The following IL17D variants were observed in gnomAD, a reference collection of about 807,000 sequenced individuals.
The protein encoded by IL17D is interleukin-17D.
In IL17D, 10 loss-of-function variants were observed where a neutral mutation model predicts 5.7. The ratio of observed to expected loss-of-function variants is 1.75; its 90% CI spans 1.08 to 2.97. The LOEUF is 2.97. Among genes scored for constraint, IL17D ranks in the 30% most tolerant of loss-of-function variants. The probability of loss-of-function intolerance (pLI) is 0.00; values close to 1 mark genes in which losing one functional copy is unlikely to be tolerated. For missense variants in IL17D, 354 were observed against 292.7 expected (o/e 1.21, Z -1.53); for synonymous variants, 172 against 141.7 (o/e 1.21, Z -1.52).
intron 1 of IL17D, among the ~76,000 whole-genome samples, chr13:20,718,670 T>TCA (rs146420037): frequency 1.2e-5 from 1 of 80,200 alleles, no homozygotes; most frequent in Non-Finnish European, 2.4e-5. Flanking sequence ...ATGCCCACGC[T>TCA]CACACACACC....
chr13:20,722,078 C>A lies in IL17D; in HGVS notation c.*124C>A. On this transcript the variant is annotated 3_prime_UTR_variant, in exon 2 of 2. Coordinates refer to ENST00000682841, the MANE Select transcript of IL17D (RefSeq NM_001385224.1). ...ACCGAGCAAACCAAGTGCCGGAGCACCAGCGCCGCCTTTCCATGGAGACTC... is the reference window on the plus strand; with the variant it reads ...ACCGAGCAAACCAAGTGCCGGAGCAACAGCGCCGCCTTTCCATGGAGACTC... 1.4e-6 allele frequency: 1 copy of A among 737,806 alleles called. No homozygotes were observed. The highest frequency in any genetic ancestry group is 2.0e-5 in the South Asian group (1 of 50,326). 45.7% of individuals were successfully genotyped at this position (737,806 alleles called of 1,614,324 possible).
At chr13:20,718,608 G>C (rs1198968378) in intron 1 of IL17D, among the ~76,000 whole-genome samples, 9 of 81,764 alleles carry the variant, frequency 1.1e-4, no homozygotes, top group Admixed American at 7.4e-4. Context: ...CCCACACTCA[G>C]ACACACCTGC....
chr13:20,722,128 C>A lies in IL17D; in HGVS notation c.*174C>A, dbSNP rs9509353. 244,747 of 570,996 alleles carry A rather than the reference C, an allele frequency of 0.43. 55,690 individuals are homozygous for A. Among genetic ancestry groups the A allele is most frequent in the Non-Finnish European group, 0.49 (162,040 of 332,816 alleles). The allele number at this position is 570,996 out of a possible 1,614,324, so 35.4% of individuals were successfully genotyped here. A position where few individuals can be genotyped will look rare whatever the true frequency, so the allele number is the denominator to read the frequency against. ...CGTAAGCAGCTTCATCTGACACGGGCATCCCTGGCTTGCTTTTAGCTACAA... is the reference window on the plus strand; with the variant it reads ...CGTAAGCAGCTTCATCTGACACGGGAATCCCTGGCTTGCTTTTAGCTACAA... On this transcript the variant is annotated 3_prime_UTR_variant, in exon 2 of 2. Coordinates refer to ENST00000682841, the MANE Select transcript of IL17D (RefSeq NM_001385224.1).
chr13:20,710,288 GTTTA>G (rs2058624066), intron 1 of IL17D, among the ~76,000 whole-genome samples: 1 of 151,992 alleles, frequency 6.6e-6, no homozygotes, highest in Non-Finnish European at 1.5e-5. Context: ...GTTTATTGAA[GTTTA>G]AGATATACGT....
intron 1 of IL17D, among the ~76,000 whole-genome samples, chr13:20,710,338 G>A (rs1204131283): frequency 6.6e-6 from 1 of 151,482 alleles, no homozygotes; most frequent in East Asian, 1.9e-4. Context: ...GACAGGCTGG[G>A]CGCAGTGGCT....
intron 1 of IL17D, among the ~76,000 whole-genome samples, chr13:20,720,054 C>G (rs1224029996): frequency 6.6e-6 from 1 of 152,274 alleles, no homozygotes; most frequent in Non-Finnish European, 1.5e-5. Context: ...AGTGTCATTT[C>G]TCTCTATTTC....
chr13:20,703,201 C>A (rs906751648), upstream of IL17D: 2 of 873,544 alleles, frequency 2.3e-6, no homozygotes, highest in Non-Finnish European at 2.7e-6. Context: ...GCCGCATGCT[C>A]GCGGCTGGAA....
intron 1 of IL17D, among the ~76,000 whole-genome samples, chr13:20,717,636 G>C (rs1012962175): frequency 2.0e-5 from 3 of 152,204 alleles, no homozygotes; most frequent in Admixed American, 1.3e-4. Flanking sequence ...CGCGCCCTGG[G>C]CAGCAGGGCA....
intron 1 of IL17D, among the ~76,000 whole-genome samples, chr13:20,710,076 C>G (rs528967691): frequency 6.6e-6 from 1 of 152,270 alleles, no homozygotes; most frequent in South Asian, 2.1e-4. Context: ...TCCGTCTAGC[C>G]CAAGTCCCAC....
intron 1 of IL17D, among the ~76,000 whole-genome samples, chr13:20,721,055 C>T (rs3847993): frequency 0.4 from 60,716 of 152,072 alleles, 13,151 homozygotes; most frequent in Non-Finnish European, 0.49. Flanking sequence ...CCGAACCTCA[C>T]AGGCCACTGA....
chr13:20,709,004 T>A (rs1594997005), intron 1 of IL17D, among the ~76,000 whole-genome samples: 1 of 144,682 alleles, frequency 6.9e-6, no homozygotes. Context: ...AAAGGACCAG[T>A]GACATCATGG....
Position 20,704,282 on chromosome 13 carries a change from G to A in IL17D, c.281G>A (p.Trp94Ter), listed in dbSNP as rs972366120. The A allele has an allele frequency of 1.3e-5, 16 of 1,239,222 alleles. No individual in the cohort carries two copies. Among genetic ancestry groups the A allele is most frequent in the Admixed American group, 9.0e-5 (2 of 22,296 alleles). 76.8% of individuals were successfully genotyped at this position (1,239,222 alleles called of 1,614,324 possible). ...ACCAACCTGCGCAGCGTGTCGCCCT[G>A]GGCCTACAGGTGAGCCGCGGGCGCG... is the stretch of plus-strand genomic sequence containing the variant. ...PPTNLRSVSP[W>*]AYRISYDPAR... Residue 94 changes from tryptophan to a stop codon, truncating the protein, a stop_gained, in exon 1 of 2, where the codon TGG becomes TAG. Coordinates refer to ENST00000682841, the MANE Select transcript of IL17D (RefSeq NM_001385224.1). LOFTEE classifies it high-confidence loss of function.
chr13:20,714,774 T>C (rs2058665553), intron 1 of IL17D, among the ~76,000 whole-genome samples: 1 of 152,226 alleles, frequency 6.6e-6, no homozygotes, highest in Non-Finnish European at 1.5e-5. Flanking sequence ...GCACGACTGA[T>C]GTTTTCTTGT....
At chr13:20,705,016 GAAGA>G (rs2058580266) in intron 1 of IL17D, among the ~76,000 whole-genome samples, 1 of 152,220 alleles carries the variant, frequency 6.6e-6, no homozygotes, top group Non-Finnish European at 1.5e-5. Flanking sequence ...GGTCATTTCA[GAAGA>G]AAGGGACAGC....
At chr13:20,718,986 ACT>A (rs1004698594) in intron 1 of IL17D, among the ~76,000 whole-genome samples, 6 of 127,618 alleles carry the variant, frequency 4.7e-5, no homozygotes, top group East Asian at 2.5e-4. Context: ...ACACCTGCCC[ACT>A]CACACACCCA....
chr13:20,713,676 A>G (rs1365991624), intron 1 of IL17D: 1 of 152,198 alleles, frequency 6.6e-6, no homozygotes, highest in Non-Finnish European at 1.5e-5. Flanking sequence ...TCCTCACCTG[A>G]ATAAAATGCA....
Position 20,722,190 on chromosome 13 carries a change from C to T in IL17D, c.*236C>T. On this transcript the variant is annotated 3_prime_UTR_variant, in exon 2 of 2. Coordinates refer to ENST00000682841, the MANE Select transcript of IL17D (RefSeq NM_001385224.1). ...GGCTGGAAGCTGATGGGAAACGACCCGGCACGGGCATCCTGTGTGCGGCCC... is the reference window on the plus strand; with the variant it reads ...GGCTGGAAGCTGATGGGAAACGACCTGGCACGGGCATCCTGTGTGCGGCCC... 3.9e-6 allele frequency: 2 copies of T among 513,918 alleles called. No homozygotes were observed. 31.8% of individuals were successfully genotyped at this position (513,918 alleles called of 1,614,324 possible). A position where few individuals can be genotyped will look rare whatever the true frequency, so the allele number is the denominator to read the frequency against.
At position 20,704,146 on chromosome 13, in the gene IL17D, G is replaced by A. The variant is rs1348359846; in HGVS notation, c.145G>A (p.Gly49Ser). 4 of 1,352,424 alleles carry A rather than the reference G, an allele frequency of 3.0e-6. No individual in the cohort carries two copies. Among genetic ancestry groups the A allele is most frequent in the Admixed American group, 2.7e-5 (1 of 37,174 alleles). 83.8% of individuals were successfully genotyped at this position (1,352,424 alleles called of 1,614,324 possible). The change falls in exon 1 of 2, where the codon GGC (glycine) becomes AGC (serine). Residue 49 changes from glycine to serine, a missense_variant. By Grantham distance (56) the Gly-to-Ser change is moderately conservative. Transcript: ENST00000682841. Reference sequence around the variant, plus strand: ...GCAGCTGTACGGGCGCCTGGCGGCCGGCGTGCTCAGTGCCTTCCACCACAC... The same window carrying A: ...GCAGCTGTACGGGCGCCTGGCGGCCAGCGTGCTCAGTGCCTTCCACCACAC... ...LEQLYGRLAA[G>S]VLSAFHHTLQ...
At chr13:20,718,041 C>G (rs1226390502) in intron 1 of IL17D, among the ~76,000 whole-genome samples, 1 of 152,058 alleles carries the variant, frequency 6.6e-6, no homozygotes, top group Non-Finnish European at 1.5e-5. Context: ...CTCAGAGGGC[C>G]GGGCGATGCC....
Sources: gnomAD v4.1 joint callset for allele counts (sites outside exome capture counted in the v4.1 genomes callset) on GRCh38, gnomAD v4.1.1 for gene constraint, MANE v1.5 for transcripts, NCBI Gene and HGNC (gene_info 2026-07-23, HGNC 2026-07-21) for gene names.